Variants in FBXL5 observed in about 807,000 individuals in gnomAD.
The protein encoded by FBXL5 is F-box/LRR-repeat protein 5.
A neutral mutation model predicts 78.3 loss-of-function variants in FBXL5; 26 were observed. That is an observed-to-expected ratio of 0.33 (90% CI 0.24 to 0.46). The LOEUF is 0.46. Among genes scored for constraint, FBXL5 ranks in the 20% least tolerant of loss-of-function variants. The probability of loss-of-function intolerance (pLI) is 1.00; values close to 1 mark genes in which losing one functional copy is unlikely to be tolerated. For synonymous variants in FBXL5, 295 were observed against 282.5 expected, an observed-to-expected ratio of 1.04 and a Z score of -0.45; for missense variants, 710 against 829.2, an observed-to-expected ratio of 0.86 and a Z score of 1.77.
At chr4:15,653,014 T>A (rs1716313317) in intron 1 of FBXL5, among the ~76,000 whole-genome samples, 1 of 152,194 alleles carries the variant, frequency 6.6e-6, no homozygotes, top group African/African-American at 2.4e-5. Context: ...ACAAAATACT[T>A]ATTTTCCACT....
chr4:15,607,964 G>A (rs1230768522), intron 10 of FBXL5, among the ~76,000 whole-genome samples: 1 of 152,090 alleles, frequency 6.6e-6, no homozygotes, highest in Non-Finnish European at 1.5e-5. Flanking sequence ...AACATCGATA[G>A]GTTCTTAGAA....
Position 15,678,057 on chromosome 4 carries a change from G to A in FBXL5, c.-284+3326C>T, listed in dbSNP as rs377176822. 2.0e-5 allele frequency among the ~76,000 whole-genome samples: 3 copies of A among 152,156 alleles called. No homozygotes were observed. The East Asian group carries it at 5.8e-4, about 29-fold the overall frequency. On this transcript the variant is annotated intron_variant, in intron 1 of 4. Transcript: ENST00000507899. ...GATGTATCATTAAATGGGCGGGTGG[G>A]TGTGTTTCATACATACTTTCTTTTC...
chr4:15,621,302 A>G (rs953342587), intron 9 of FBXL5, among the ~76,000 whole-genome samples: 1 of 152,256 alleles, frequency 6.6e-6, no homozygotes, highest in Non-Finnish European at 1.5e-5. Context: ...TTATACTTCT[A>G]TATACTAGCA....
chr4:15,621,267 T>C (rs1364294061), intron 9 of FBXL5, among the ~76,000 whole-genome samples: 1 of 152,170 alleles, frequency 6.6e-6, no homozygotes, highest in Non-Finnish European at 1.5e-5. Context: ...AATAGTAGGA[T>C]ACAAAATCAA....
At chr4:15,651,792 G>C (rs1337161235) in intron 1 of FBXL5, among the ~76,000 whole-genome samples, 1 of 152,012 alleles carries the variant, frequency 6.6e-6, no homozygotes, top group Non-Finnish European at 1.5e-5. Context: ...ACACCTTAAG[G>C]CCTCCACCAC....
chr4:15,678,815 C>G (rs1290552741), intron 1 of FBXL5, among the ~76,000 whole-genome samples: 1 of 152,040 alleles, frequency 6.6e-6, no homozygotes, highest in Non-Finnish European at 1.5e-5. Context: ...TTCTCATTAT[C>G]TTCCTTCTGT....
At chr4:15,636,447 T>G (rs1560228045) in intron 5 of FBXL5, 47 bp downstream of exon 5, 5 of 1,390,624 alleles carry the variant, frequency 3.6e-6, no homozygotes, top group Non-Finnish European at 4.8e-6. Flanking sequence ...AAATGAATAT[T>G]CATCTAGAAA....
At chr4:15,656,550 C>G (rs1183125827), upstream of FBXL5, among the ~76,000 whole-genome samples, 2 of 152,216 alleles carry the variant, frequency 1.3e-5, no homozygotes, top group African/African-American at 4.8e-5. Flanking sequence ...TGAGAAAGAA[C>G]TTTGCAGTGG....
chr4:15,676,906 A>G (rs1421192101), intron 1 of FBXL5, among the ~76,000 whole-genome samples: 1 of 152,244 alleles, frequency 6.6e-6, no homozygotes, highest in Non-Finnish European at 1.5e-5. Context: ...AATCTTAAGA[A>G]AACAAAAAGA....
intron 8 of FBXL5, 52 bp from the exon 9 acceptor site, chr4:15,626,029 C>T (rs767261528): frequency 2.3e-5 from 33 of 1,459,446 alleles, no homozygotes; most frequent in Non-Finnish European, 2.9e-5. Context: ...TTTTCAAAAG[C>T]ATTTGACTAT....
At chr4:15,654,905 C>A (rs1021558917) in intron 1 of FBXL5, among the ~76,000 whole-genome samples, 2 of 152,074 alleles carry the variant, frequency 1.3e-5, no homozygotes, top group Admixed American at 1.3e-4. Context: ...GGCGGTGGGG[C>A]CGGCCCGAGG....
At chr4:15,627,085 G>T in intron 7 of FBXL5, 130 bp from the exon 8 acceptor site, 20 of 369,030 alleles carry the variant, frequency 5.4e-5, no homozygotes, top group Non-Finnish European at 7.1e-5. Flanking sequence ...TTGAATACTT[G>T]AAAAAAGTAT....
In FBXL5 at chr4:15,625,266, T is replaced by G. The variant is rs2148575179; in HGVS notation, c.1836A>C (p.Thr612=). The part of the protein sequence containing the change: ...FLSLSGCYQI[T]DHGLRVLTLG... ...TGATAACTCACCTGAGACCATGGTC[T>G]GTGATCTGATAACATCCAGATAAAC... The change falls in exon 9 of 11, where the codon ACA becomes ACC. Residue 612 remains threonine, a synonymous_variant. Coordinates refer to ENST00000341285, the MANE Select transcript of FBXL5 (RefSeq NM_012161.4). The G allele has an allele frequency of 6.2e-7, 1 of 1,611,238 alleles. No homozygotes were observed. The highest frequency in any genetic ancestry group is 2.2e-5 in the East Asian group (1 of 44,862).
Position 15,676,759 on chromosome 4 carries a change from T to A in FBXL5, c.-284+4624A>T, listed in dbSNP as rs116323003. On this transcript the variant is annotated intron_variant, in intron 1 of 4. Transcript: ENST00000507899. ...TTGGGTTGTTGGGTTCATTATACAA[T>A]TCTTTACTTTTGTGTATATTTGAAC... is the stretch of plus-strand genomic sequence containing the variant. 5.2e-3 allele frequency among the ~76,000 whole-genome samples: 797 copies of A among 152,290 alleles called. 6 individuals are homozygous for A. Among genetic ancestry groups the A allele is most frequent in the African/African-American group, 0.016 (652 of 41,546 alleles).
At chr4:15,605,930 A>G (rs964304236) in intron 10 of FBXL5, 131 bp from the exon 11 acceptor site, 8 of 640,554 alleles carry the variant, frequency 1.2e-5, no homozygotes, top group Admixed American at 5.3e-5. Context: ...AAATCTCATG[A>G]TAAGTGTATA....
At chr4:15,633,197 T>C (rs1713866815) in intron 5 of FBXL5, among the ~76,000 whole-genome samples, 2 of 152,218 alleles carry the variant, frequency 1.3e-5, no homozygotes, top group South Asian at 2.1e-4. Flanking sequence ...TTTCAAACTA[T>C]GGAAACAGAA....
Position 15,654,984 on chromosome 4 carries a change from G to A in FBXL5, c.84+220C>T, listed in dbSNP as rs554754388. On this transcript the variant is annotated intron_variant, in intron 1 of 10. Coordinates refer to ENST00000341285, the MANE Select transcript of FBXL5 (RefSeq NM_012161.4). ...CTCGGCAGGGGACGCCGCCCGCCCC[G>A]AGAGCACGTCCGAGGCGGCGGCCAG... Among the ~76,000 whole-genome samples the A allele has an allele frequency of 4.1e-4, 63 of 151,814 alleles. 1 individual carries two copies. Among genetic ancestry groups the A allele is most frequent in the East Asian group, 2.7e-3 (14 of 5,150 alleles).
intron 4 of FBXL5, among the ~76,000 whole-genome samples, chr4:15,637,741 T>C (rs1303124526): frequency 6.6e-6 from 1 of 152,200 alleles, no homozygotes; most frequent in Non-Finnish European, 1.5e-5. Flanking sequence ...CTTGTAAAAT[T>C]ATTTTAGTTT....
rs140915366 is a variant in FBXL5, at chr4:15,652,525, T to A, written c.84+2679A>T. On this transcript the variant is annotated intron_variant, in intron 1 of 10. Coordinates refer to ENST00000341285, the MANE Select transcript of FBXL5 (RefSeq NM_012161.4). Reference sequence around the variant, plus strand: ...TGTAAAAAGAAATCCATGGGCAAAGTATTAAATCGGGTATTGTACAGCAAT... The same window carrying A: ...TGTAAAAAGAAATCCATGGGCAAAGAATTAAATCGGGTATTGTACAGCAAT... Among the ~76,000 whole-genome samples, 5 of 152,298 alleles carry A rather than the reference T, an allele frequency of 3.3e-5. No individual in the cohort carries two copies. In the East Asian group the frequency reaches 9.7e-4, roughly 29 times the overall value.
Sources: gnomAD v4.1 joint callset for allele counts (sites outside exome capture counted in the v4.1 genomes callset) on GRCh38, gnomAD v4.1.1 for gene constraint, MANE v1.5 for transcripts, NCBI Gene and HGNC (gene_info 2026-07-23, HGNC 2026-07-21) for gene names.